The following ADRA1B variants were observed in gnomAD, a reference collection of about 807,000 sequenced individuals.
ADRA1B encodes the protein alpha-1B adrenergic receptor.
ADRA1B carries 17 observed loss-of-function variants against 17.9 expected under a neutral mutation model. That is an observed-to-expected ratio of 0.95 (90% CI 0.65 to 1.42). The LOEUF (loss-of-function observed/expected upper bound fraction) is 1.42, where lower values mean the gene tolerates loss of function less well. Among genes scored for constraint, ADRA1B ranks in the 40% most tolerant of loss-of-function variants. The pLI is 0.00. For missense variants in ADRA1B, 681 were observed against 722.1 expected (o/e 0.94, Z 0.65); for synonymous variants, 366 against 327.6 (o/e 1.12, Z -1.27).
At chr5:159,913,420 A>G (rs1754246925), upstream of ADRA1B, among the ~76,000 whole-genome samples, 1 of 152,238 alleles carries the variant, frequency 6.6e-6, no homozygotes, top group Non-Finnish European at 1.5e-5. Flanking sequence ...GGGTCCTGCT[A>G]CACGGCTGTT....
chr5:159,972,403 A>G lies in ADRA1B; in HGVS notation c.1474A>G (p.Ser492Gly), dbSNP rs1420142195. 3.3e-6 allele frequency: 5 copies of G among 1,510,936 alleles called. No individual in the cohort carries two copies. The highest frequency in any genetic ancestry group is 1.2e-5 in the South Asian group (1 of 81,992). The allele number at this position is 1,510,936 out of a possible 1,614,324, so 93.6% of individuals were successfully genotyped here. A position where few individuals can be genotyped will look rare whatever the true frequency, so the allele number is the denominator to read the frequency against. Residue 492 changes from serine (S) to glycine (G), a missense_variant, in exon 2 of 2, where the codon AGC (serine) becomes GGC (glycine). This residue lies in a region of ADRA1B where 251 missense variants were observed against 224.9 expected (regional missense o/e 1.12). Transcript: ENST00000306675. ...GAGCCCCGGGACCGACGGCGGCGCC[A>G]GCAACGGAGGCTGCGAGGCCGCGGC... ...PESPGTDGGA[S>G]NGGCEAAADV...
At chr5:159,976,781 G>T (rs529758509), downstream of ADRA1B, among the ~76,000 whole-genome samples, 102 of 152,266 alleles carry the variant, frequency 6.7e-4, no homozygotes, top group African/African-American at 2.3e-3. Context: ...ACCAAAATGG[G>T]TAAGGGAAGC....
At chr5:159,901,219 C>T (rs13160785) in intron 1 of ADRA1B, among the ~76,000 whole-genome samples, 31,576 of 151,122 alleles carry the variant, frequency 0.21, 3,683 homozygotes, top group Non-Finnish European at 0.27. Flanking sequence ...TTGAAGAACC[C>T]AGAGAAATCT....
chr5:159,956,526 A>G (rs1755553565), intron 1 of ADRA1B, among the ~76,000 whole-genome samples: 1 of 152,182 alleles, frequency 6.6e-6, no homozygotes, highest in South Asian at 2.1e-4. Context: ...TTACCATTTT[A>G]ATAAATGTAT....
chr5:159,909,034 A>G (rs1754196572), intron 1 of ADRA1B, among the ~76,000 whole-genome samples: 1 of 152,182 alleles, frequency 6.6e-6, no homozygotes, highest in Non-Finnish European at 1.5e-5. Context: ...TTCTCCCCTC[A>G]TCTTTTCAGG....
chr5:159,907,298 T>C (rs888282252), intron 1 of ADRA1B, among the ~76,000 whole-genome samples: 1 of 152,222 alleles, frequency 6.6e-6, no homozygotes. Flanking sequence ...CCTGGCTCTC[T>C]GGATATGGCA....
chr5:159,884,477 C>T (rs1753901491), intron 1 of ADRA1B, among the ~76,000 whole-genome samples: 1 of 152,122 alleles, frequency 6.6e-6, no homozygotes, highest in Non-Finnish European at 1.5e-5. Context: ...TTGCCCTTTC[C>T]ACTTCCACCA....
upstream of ADRA1B, chr5:159,916,233 TA>T (rs1419591491): frequency 6.6e-6 from 1 of 151,952 alleles, no homozygotes; most frequent in Non-Finnish European, 1.5e-5. Context: ...GCGGGGAAAA[TA>T]ACCCCAGCGG....
At chr5:159,903,890 G>A (rs1051794695) in intron 1 of ADRA1B, among the ~76,000 whole-genome samples, 5 of 152,110 alleles carry the variant, frequency 3.3e-5, no homozygotes, top group Admixed American at 6.5e-5. Context: ...CACAGCTTCC[G>A]TTACAAAGGG....
the ADRA1B span, among the ~76,000 whole-genome samples, chr5:159,985,468 A>AT: frequency 6.6e-6 from 1 of 152,320 alleles, no homozygotes; most frequent in African/African-American, 2.4e-5. Context: ...TGATGTCTTA[A>AT]TATCTGGTCT....
chr5:159,927,846 C>T (rs1754704719), intron 1 of ADRA1B, among the ~76,000 whole-genome samples: 1 of 151,922 alleles, frequency 6.6e-6, no homozygotes, highest in Non-Finnish European at 1.5e-5. Flanking sequence ...CCTCAACAGT[C>T]CAGGGAAAGA....
the ADRA1B span, among the ~76,000 whole-genome samples, chr5:159,981,652 C>G: frequency 6.6e-6 from 1 of 152,118 alleles, no homozygotes; most frequent in South Asian, 2.1e-4. Flanking sequence ...CCCACCACCA[C>G]GCCCAGCTTA....
intron 1 of ADRA1B, among the ~76,000 whole-genome samples, chr5:159,872,065 T>A (rs1397535025): frequency 6.6e-6 from 1 of 152,210 alleles, no homozygotes; most frequent in Non-Finnish European, 1.5e-5. Context: ...ATGCCCAACT[T>A]GTATCATATC....
intron 1 of ADRA1B, among the ~76,000 whole-genome samples, chr5:159,880,148 C>T (rs1023286239): frequency 9.2e-5 from 14 of 152,156 alleles, no homozygotes; most frequent in Admixed American, 2.0e-4. Context: ...TTGGGCACTA[C>T]CCTATGCTAA....
intron 1 of ADRA1B, chr5:159,951,539 A>G: frequency 1.6e-6 from 1 of 611,436 alleles, no homozygotes; most frequent in South Asian, 1.7e-5. Flanking sequence ...GAGAAGATGC[A>G]GCTGTCTGTC....
intron 1 of ADRA1B, among the ~76,000 whole-genome samples, chr5:159,945,412 T>C (rs915971986): frequency 6.6e-6 from 1 of 152,056 alleles, no homozygotes; most frequent in Non-Finnish European, 1.5e-5. Flanking sequence ...CTCGTTGAGA[T>C]CATGGGCTGA....
chr5:159,960,057 G>C (rs373307773), intron 1 of ADRA1B, among the ~76,000 whole-genome samples: 102 of 152,266 alleles, frequency 6.7e-4, no homozygotes, highest in African/African-American at 2.3e-3. Context: ...GTTACACGAG[G>C]CACCCTCATG....
chr5:159,933,675 G>A (rs1325426271), intron 1 of ADRA1B, among the ~76,000 whole-genome samples: 3 of 152,220 alleles, frequency 2.0e-5, no homozygotes, highest in Non-Finnish European at 2.9e-5. Flanking sequence ...CTCAGAATGT[G>A]TGTATTTTAT....
chr5:159,875,757 G>C (rs545344713), intron 1 of ADRA1B, among the ~76,000 whole-genome samples: 2 of 152,328 alleles, frequency 1.3e-5, no homozygotes, highest in Non-Finnish European at 2.9e-5. Context: ...GGTCCCTGCA[G>C]GCATCCAGGT....
Sources: gnomAD v4.1 joint callset for allele counts (sites outside exome capture counted in the v4.1 genomes callset) on GRCh38, gnomAD v4.1.1 for gene constraint, gnomAD v4.1.1 regional missense constraint, MANE v1.5 for transcripts, NCBI Gene and HGNC (gene_info 2026-07-23, HGNC 2026-07-21) for gene names.